Variants in WFS1 observed in about 807,000 individuals in gnomAD.
The protein encoded by WFS1 is wolframin.
A neutral mutation model predicts 68.5 loss-of-function variants in WFS1; 90 were observed. The ratio of observed to expected loss-of-function variants is 1.31; its 90% CI spans 1.11 to 1.56. The LOEUF is 1.56. Among genes scored for constraint, WFS1 ranks in the 40% most tolerant of loss-of-function variants. The probability of loss-of-function intolerance (pLI) is 0.00; values close to 1 mark genes in which losing one functional copy is unlikely to be tolerated. For missense variants in WFS1, 1,767 were observed against 1,232.6 expected, an observed-to-expected ratio of 1.43 and a Z score of -6.49; for synonymous variants, 860 against 540.7, an observed-to-expected ratio of 1.59 and a Z score of -8.19.
chr4:6,302,877 A>C lies in WFS1; in HGVS notation c.*409A>C. On this transcript the variant is annotated 3_prime_UTR_variant, in exon 8 of 8. Transcript: ENST00000226760. The stretch of plus-strand genomic sequence containing the variant: ...TAAAAACCAAATAAGCATCTGTGTA[A>C]CCTCCACAGTAGCATTTCTTATTTG... 4 of 263,450 alleles carry C rather than the reference A, an allele frequency of 1.5e-5. No homozygotes were observed. The highest frequency in any genetic ancestry group is 9.9e-5 in the East Asian group (1 of 10,084). The allele number at this position is 263,450 out of a possible 1,614,324, so 16.3% of individuals were successfully genotyped here.
chr4:6,288,902 G>T (rs1226550019), intron 3 of WFS1, 85 bp from the exon 4 acceptor site: 3 of 1,553,986 alleles, frequency 1.9e-6, no homozygotes, highest in Non-Finnish European at 2.6e-6. Flanking sequence ...ACAAAGGGAA[G>T]TGGGTGAAAG....
At chr4:6,274,117 G>C (rs1442474447) in intron 1 of WFS1, among the ~76,000 whole-genome samples, 1 of 151,672 alleles carries the variant, frequency 6.6e-6, no homozygotes, top group African/African-American at 2.4e-5. Flanking sequence ...CGCGATCTCG[G>C]CTCACTGCAA....
chr4:6,285,569 G>A (rs914517289), intron 2 of WFS1, among the ~76,000 whole-genome samples: 6 of 152,166 alleles, frequency 3.9e-5, no homozygotes, highest in Admixed American at 2.0e-4. Flanking sequence ...GGCCTCACCT[G>A]CCACCTGCGA....
intron 6 of WFS1, among the ~76,000 whole-genome samples, chr4:6,294,567 T>C (rs1000459176): frequency 6.6e-6 from 1 of 151,958 alleles, no homozygotes; most frequent in Non-Finnish European, 1.5e-5. Flanking sequence ...TCACGTTGAA[T>C]GGAGGGGTTG....
At chr4:6,299,548 A>G (rs866318532) in intron 7 of WFS1, among the ~76,000 whole-genome samples, 6 of 31,238 alleles carry the variant, frequency 1.9e-4, no homozygotes, top group African/African-American at 3.1e-4. Flanking sequence ...GGTTGTGTGA[A>G]TGTGTGTGTA....
chr4:6,302,270 C>T lies in WFS1; in HGVS notation c.2475C>T (p.Phe825=). 6.2e-7 allele frequency: 1 copy of T among 1,605,794 alleles called. No individual in the cohort carries two copies. The highest frequency in any genetic ancestry group is 8.5e-7 in the Non-Finnish European group (1 of 1,174,692). The change falls in exon 8 of 8, where the codon TTC becomes TTT. Residue 825 remains phenylalanine, a synonymous_variant. Coordinates refer to ENST00000226760, the MANE Select transcript of WFS1 (RefSeq NM_006005.3). ...TGCGCCAGGGCAGCCTCATCGAGTT[C>T]AGCACCATCCTGGAGGGCCGCCTGG... ...LSLRQGSLIE[F]STILEGRLGS... is the part of the protein sequence containing the mutation.
intron 2 of WFS1, among the ~76,000 whole-genome samples, chr4:6,281,347 G>A (rs1347024437): frequency 6.6e-6 from 1 of 152,222 alleles, no homozygotes; most frequent in Non-Finnish European, 1.5e-5. Context: ...ATGAGGAATT[G>A]GCTGTGGTGT....
intron 1 of WFS1, among the ~76,000 whole-genome samples, chr4:6,271,364 G>A (rs1462450799): frequency 1.3e-5 from 2 of 152,192 alleles, no homozygotes; most frequent in African/African-American, 4.8e-5. Flanking sequence ...CATGGAGGGC[G>A]TCTCTGACTT....
At position 6,301,554 on chromosome 4, in the gene WFS1, C is replaced by T. The variant is rs138968466; in HGVS notation, c.1759C>T (p.Arg587Trp). Residue 587 changes from arginine (R) to tryptophan (W), a missense_variant, in exon 8 of 8, where the codon CGG becomes TGG. By Grantham distance (101) the Arg-to-Trp change is moderately radical. Transcript: ENST00000226760. ...LALVGVLQFA[R>W]WFTSLELTKI... ...CCTGGTGGGCGTGCTGCAGTTCGCC[C>T]GGTGGTTCACGTCTCTGGAGCTCAC... 141 of 1,614,116 alleles carry T rather than the reference C, an allele frequency of 8.7e-5. No individual in the cohort carries two copies. Among genetic ancestry groups the T allele is most frequent in the South Asian group, 5.4e-4 (49 of 91,088 alleles).
rs1302625233 is a variant in WFS1, at chr4:6,287,119, C to A, written c.259C>A (p.Pro87Thr). Reference sequence around the variant, plus strand: ...GCCTACAAAGGGAGACATGGAAATCCCCTTTGAAGAAGTCCTGGAGAGGGC... The same window carrying A: ...GCCTACAAAGGGAGACATGGAAATCACCTTTGAAGAAGTCCTGGAGAGGGC... ...TGPTKGDMEI[P>T]FEEVLERAKA... Residue 87 changes from proline (P) to threonine (T), a missense_variant, in exon 3 of 8, where the codon CCC becomes ACC. Pro to Thr is a conservative substitution (Grantham distance 38). Coordinates refer to ENST00000226760, the MANE Select transcript of WFS1 (RefSeq NM_006005.3). This position sits in a 1 kb window ranked among gnomAD's most constrained non-coding sequence, Gnocchi z 6.4. 6.4e-7 allele frequency: 1 copy of A among 1,560,052 alleles called. No individual in the cohort carries two copies. Among genetic ancestry groups the A allele is most frequent in the African/African-American group, 1.3e-5 (1 of 74,226 alleles).
intron 6 of WFS1, among the ~76,000 whole-genome samples, chr4:6,293,029 G>A (rs139179314): frequency 5.4e-4 from 83 of 152,340 alleles, no homozygotes; most frequent in Non-Finnish European, 1.1e-3. Context: ...ACCTCACATG[G>A]AAGTGGGAAG....
intron 2 of WFS1, among the ~76,000 whole-genome samples, chr4:6,285,119 C>T (rs371050714): frequency 2.0e-5 from 3 of 151,862 alleles, no homozygotes; most frequent in African/African-American, 7.2e-5. Flanking sequence ...TTGAGGACCC[C>T]GGCAAGGAAG....
intron 6 of WFS1, among the ~76,000 whole-genome samples, chr4:6,293,336 C>G (rs563977808): frequency 1.3e-5 from 2 of 152,134 alleles, no homozygotes; most frequent in Non-Finnish European, 1.5e-5. Flanking sequence ...CCCTCAGGGA[C>G]AGGGCCCCAG....
At chr4:6,279,096 T>C (rs887021284) in intron 2 of WFS1, among the ~76,000 whole-genome samples, 2 of 152,122 alleles carry the variant, frequency 1.3e-5, no homozygotes, top group African/African-American at 4.8e-5. Context: ...GGGCATCCCG[T>C]CTCCCAGTCA....
rs750049491 is a variant in WFS1 at position 6,300,839 on chromosome 4, C to G, written c.1044C>G (p.Val348=). Residue 348 remains valine, a synonymous_variant, in exon 8 of 8, where the codon GTC becomes GTG. Transcript: ENST00000226760. ...TCTTCGCCTTCTTCATCCCGCTGGT[C>G]ATCTTCTACCTGTCCTTCATCTCCA... ...IDFFAFFIPL[V]IFYLSFISMV... 17 of 1,614,014 alleles carry G rather than the reference C, an allele frequency of 1.1e-5. No homozygotes were observed. Among genetic ancestry groups the G allele is most frequent in the Non-Finnish European group, 1.1e-5 (13 of 1,180,012 alleles).
Position 6,302,866 on chromosome 4 carries a change from G to GCAT in WFS1, c.*400_*402dup. Reference sequence around the variant, plus strand: ...TTGGATTTGTTTAAAAACCAAATAAGCATCTGTGTAACCTCCACAGTAGCA... The same window carrying GCAT: ...TTGGATTTGTTTAAAAACCAAATAAGCATCATCTGTGTAACCTCCACAGTAGCA... On this transcript the variant is annotated 3_prime_UTR_variant, in exon 8 of 8. Coordinates refer to ENST00000226760, the MANE Select transcript of WFS1 (RefSeq NM_006005.3). The GCAT allele has an allele frequency of 3.4e-6, 1 of 294,392 alleles. No individual in the cohort carries two copies. Among genetic ancestry groups the GCAT allele is most frequent in the Non-Finnish European group, 6.4e-6 (1 of 155,398 alleles). 18.2% of individuals were successfully genotyped at this position (294,392 alleles called of 1,614,324 possible).
intron 7 of WFS1, among the ~76,000 whole-genome samples, chr4:6,299,063 G>C (rs1278949251): frequency 6.6e-6 from 1 of 152,264 alleles, no homozygotes; most frequent in Non-Finnish European, 1.5e-5. Context: ...AAGATGCACA[G>C]AACCTGCTTT....
chr4:6,295,478 G>C (rs1730612369), intron 7 of WFS1, among the ~76,000 whole-genome samples: 1 of 152,190 alleles, frequency 6.6e-6, no homozygotes, highest in Non-Finnish European at 1.5e-5. Flanking sequence ...TGCAGTGTAG[G>C]GGGCAGTGGG....
Position 6,301,428 on chromosome 4 carries a change from G to A in WFS1, c.1633G>A (p.Val545Met), listed in dbSNP as rs201993978. 1.9e-4 allele frequency: 313 copies of A among 1,612,284 alleles called. No individual in the cohort carries two copies. Among genetic ancestry groups the A allele is most frequent in the Non-Finnish European group, 2.4e-4 (281 of 1,180,046 alleles). The change falls in exon 8 of 8, where the codon GTG (valine) becomes ATG (methionine). Residue 545 changes from valine (V) to methionine (M), a missense_variant. Transcript: ENST00000226760. The stretch of plus-strand genomic sequence containing the variant: ...GTGCTTCATGTGGTGTGAGCTCTCC[G>A]TGGTCATCCTGCTGGAGTCCACCGG... ...LVCFMWCELS[V>M]VILLESTGLG...
Sources: allele counts gnomAD v4.1 joint callset (sites outside exome capture counted in the v4.1 genomes callset), GRCh38; gene constraint gnomAD v4.1.1; non-coding constraint Gnocchi (gnomAD v3.1); transcripts MANE v1.5; gene names NCBI Gene and HGNC (gene_info 2026-07-23, HGNC 2026-07-21).